The following EFNA5 variants were observed in gnomAD, a reference collection of about 807,000 sequenced individuals.
The protein encoded by EFNA5 is ephrin A5.
EFNA5 carries 5 observed loss-of-function variants against 22.9 expected under a neutral mutation model. The observed-to-expected ratio is 0.22, with a 90% CI of 0.11 to 0.46. The LOEUF is 0.46. Among genes scored for constraint, EFNA5 ranks in the 20% least tolerant of loss-of-function variants. EFNA5 has a pLI of 0.99. For synonymous variants in EFNA5, 113 were observed against 112.2 expected, an observed-to-expected ratio of 1.01 and a Z score of -0.04; for missense variants, 237 against 293.3, an observed-to-expected ratio of 0.81 and a Z score of 1.40.
At chr5:107,580,925 G>T (rs1002457005) in intron 1 of EFNA5, among the ~76,000 whole-genome samples, 1 of 152,072 alleles carries the variant, frequency 6.6e-6, no homozygotes, top group African/African-American at 2.4e-5. Context: ...CCAAAAAAAC[G>T]AGCTTAGAGA....
In EFNA5 at chr5:107,563,437, T is replaced by A. The variant is rs559400226; in HGVS notation, c.125+107052A>T. Reference sequence around the variant, plus strand: ...TTTTATTTTTAAAAGTTATTATTATTATTATTGTCATTATTTTAAGACAGG... The same window carrying A: ...TTTTATTTTTAAAAGTTATTATTATAATTATTGTCATTATTTTAAGACAGG... On this transcript the variant is annotated intron_variant, in intron 1 of 4. Coordinates refer to ENST00000333274, the MANE Select transcript of EFNA5 (RefSeq NM_001962.3). Among the ~76,000 whole-genome samples the A allele has an allele frequency of 5.9e-5, 9 of 152,214 alleles. No homozygotes were observed. The South Asian group carries it at 1.9e-3, about 32-fold the overall frequency.
intron 2 of EFNA5, among the ~76,000 whole-genome samples, chr5:107,420,674 G>A (rs1748633515): frequency 6.6e-6 from 1 of 151,912 alleles, no homozygotes; most frequent in African/African-American, 2.4e-5. Context: ...AGAGGGTGCA[G>A]TAAAACTTGA....
intron 2 of EFNA5, among the ~76,000 whole-genome samples, chr5:107,401,396 A>G (rs1278619648): frequency 6.6e-6 from 1 of 152,248 alleles, no homozygotes; most frequent in Non-Finnish European, 1.5e-5. Context: ...TGCTAATTAC[A>G]AAACTCAACA....
intron 1 of EFNA5, among the ~76,000 whole-genome samples, chr5:107,500,491 G>A (rs893402144): frequency 4.6e-5 from 7 of 152,178 alleles, no homozygotes; most frequent in Non-Finnish European, 8.8e-5. Context: ...CTCTCCCAGA[G>A]TGCAGCACTA....
At chr5:107,562,612 T>G (rs1279643951) in intron 1 of EFNA5, among the ~76,000 whole-genome samples, 6 of 152,132 alleles carry the variant, frequency 3.9e-5, no homozygotes, top group African/African-American at 1.2e-4. Flanking sequence ...TAATGAAGGA[T>G]CCTATAAAAG....
chr5:107,567,883 T>C (rs1156340319), intron 1 of EFNA5, among the ~76,000 whole-genome samples: 1 of 152,150 alleles, frequency 6.6e-6, no homozygotes, highest in Non-Finnish European at 1.5e-5. Context: ...CAAGTTCTTT[T>C]TTGTTATTGT....
rs1426935078 is a variant in EFNA5 at position 107,413,125 on chromosome 5, C to T, written c.418+14092G>A. On this transcript the variant is annotated intron_variant, in intron 2 of 4. Transcript: ENST00000333274. ...TTGAAGCATGGGTTGAAGTCTCCTG[C>T]CCAACTCTCCAAACCTAATGAATGG... Among the ~76,000 whole-genome samples the T allele has an allele frequency of 3.9e-5, 6 of 152,252 alleles. No individual in the cohort carries two copies. The East Asian group carries it at 1.2e-3, about 29-fold the overall frequency.
At chr5:107,550,975 G>A (rs1482044784) in intron 1 of EFNA5, among the ~76,000 whole-genome samples, 1 of 152,128 alleles carries the variant, frequency 6.6e-6, no homozygotes, top group Non-Finnish European at 1.5e-5. Flanking sequence ...TATAAAAATT[G>A]TTTAATCCAG....
intron 1 of EFNA5, among the ~76,000 whole-genome samples, chr5:107,620,002 C>T (rs995146993): frequency 7.2e-5 from 11 of 152,204 alleles, no homozygotes; most frequent in Admixed American, 2.0e-4. Flanking sequence ...GGCTACAGAT[C>T]TCTGCAGAAG....
intron 1 of EFNA5, among the ~76,000 whole-genome samples, chr5:107,573,765 A>G (rs1748865269): frequency 6.6e-6 from 1 of 152,092 alleles, no homozygotes; most frequent in Non-Finnish European, 1.5e-5. Context: ...GTGTGGGTCT[A>G]TTTTTATTTA....
chr5:107,612,828 A>G (rs1749843094), intron 1 of EFNA5, among the ~76,000 whole-genome samples: 1 of 152,288 alleles, frequency 6.6e-6, no homozygotes, highest in South Asian at 2.1e-4. Flanking sequence ...TTTTGTGTTT[A>G]CCAGACTGTA....
At chr5:107,466,797 C>A (rs1749998334) in intron 1 of EFNA5, among the ~76,000 whole-genome samples, 1 of 152,106 alleles carries the variant, frequency 6.6e-6, no homozygotes, top group Non-Finnish European at 1.5e-5. Context: ...CAGGAAAGGG[C>A]TCCAGAAGCA....
chr5:107,437,096 A>G (rs868542551), intron 1 of EFNA5, among the ~76,000 whole-genome samples: 1 of 152,212 alleles, frequency 6.6e-6, no homozygotes. Flanking sequence ...TAAATCTGAA[A>G]TTTAGCCCAC....
intron 1 of EFNA5, chr5:107,506,098 C>T (rs1747244663): frequency 6.6e-6 from 1 of 152,282 alleles, no homozygotes; most frequent in Non-Finnish European, 1.5e-5. Flanking sequence ...ATTTGTGTAC[C>T]TCTCACTGCC....
At chr5:107,640,623 CAG>C (rs1160587474) in intron 1 of EFNA5, among the ~76,000 whole-genome samples, 2 of 152,176 alleles carry the variant, frequency 1.3e-5, no homozygotes, top group Non-Finnish European at 2.9e-5. Context: ...AGAAAACAAA[CAG>C]AGAGATCATT....
intron 1 of EFNA5, among the ~76,000 whole-genome samples, chr5:107,612,423 T>G (rs537761110): frequency 2.0e-4 from 31 of 152,218 alleles, no homozygotes; most frequent in African/African-American, 7.2e-4. Flanking sequence ...GCCTATTTGT[T>G]GCTAGAAACT....
In EFNA5 at chr5:107,473,754, G is replaced by A. The variant is rs183910305; in HGVS notation, c.126-46245C>T. Reference sequence around the variant, plus strand: ...CGGCTCACTGCAACCTCTGCCTCCCGGGTTCAAGTGATTCTCCTGCCTCAG... The same window carrying A: ...CGGCTCACTGCAACCTCTGCCTCCCAGGTTCAAGTGATTCTCCTGCCTCAG... On this transcript the variant is annotated intron_variant, in intron 1 of 4. Coordinates refer to ENST00000333274, the MANE Select transcript of EFNA5 (RefSeq NM_001962.3). Among the ~76,000 whole-genome samples the A allele has an allele frequency of 1.1e-3, 159 of 149,498 alleles. 1 individual carries two copies. Among genetic ancestry groups the A allele is most frequent in the African/African-American group, 3.8e-3 (153 of 40,378 alleles).
intron 1 of EFNA5, among the ~76,000 whole-genome samples, chr5:107,555,953 T>C (rs1212270723): frequency 1.3e-5 from 2 of 152,204 alleles, no homozygotes; most frequent in Non-Finnish European, 2.9e-5. Flanking sequence ...CCTATAAAGA[T>C]CAGGCATTCC....
intron 2 of EFNA5, among the ~76,000 whole-genome samples, chr5:107,411,624 C>T (rs1415965017): frequency 6.6e-6 from 1 of 152,202 alleles, no homozygotes; most frequent in Admixed American, 6.5e-5. Flanking sequence ...TAACCAAACT[C>T]TGGAAGGAAA....
Sources: allele counts gnomAD v4.1 joint callset (sites outside exome capture counted in the v4.1 genomes callset), GRCh38; gene constraint gnomAD v4.1.1; transcripts MANE v1.5; gene names NCBI Gene and HGNC (gene_info 2026-07-23, HGNC 2026-07-21).